AKAP8L: variants seen among roughly 807,000 people sequenced by gnomAD.
AKAP8L encodes the protein A-kinase anchoring protein 8 like, also known as A-kinase anchor protein 8-like.
AKAP8L carries 34 observed loss-of-function variants against 77.5 expected under a neutral mutation model. The ratio of observed to expected loss-of-function variants is 0.44; its 90% CI spans 0.33 to 0.58. The LOEUF (loss-of-function observed/expected upper bound fraction) is 0.58. AKAP8L is among the 20% of genes least tolerant of loss of function. The pLI is 0.02. For synonymous variants in AKAP8L, 342 were observed against 340.7 expected (o/e 1.00, Z -0.04); for missense variants, 806 against 887.6 (o/e 0.91, Z 1.17).
chr19:15,387,299 A>G (rs1967559241), intron 12 of AKAP8L, among the ~76,000 whole-genome samples: 1 of 152,198 alleles, frequency 6.6e-6, no homozygotes, highest in Non-Finnish European at 1.5e-5. Flanking sequence ...GCCCACAGTG[A>G]GAGCACGGCC....
intron 12 of AKAP8L, among the ~76,000 whole-genome samples, chr19:15,393,119 C>A (rs958064822): frequency 6.6e-6 from 1 of 151,754 alleles, no homozygotes; most frequent in Non-Finnish European, 1.5e-5. Flanking sequence ...TCAAATGGTG[C>A]CGGAACAACT....
chr19:15,418,840 G>A (rs1968270572), intron 1 of AKAP8L, 71 bp downstream of exon 1: 3 of 1,500,896 alleles, frequency 2.0e-6, no homozygotes, highest in Non-Finnish European at 2.7e-6. Flanking sequence ...GTGCGGGCAA[G>A]CCTGGTGCGG....
At chr19:15,402,732 T>C (rs1447123402) in intron 4 of AKAP8L, among the ~76,000 whole-genome samples, 1 of 152,188 alleles carries the variant, frequency 6.6e-6, no homozygotes, top group Non-Finnish European at 1.5e-5. Context: ...CTCTATCCCA[T>C]GTTAGAGATA....
At chr19:15,387,890 T>G (rs1599591702) in intron 12 of AKAP8L, among the ~76,000 whole-genome samples, 2 of 146,862 alleles carry the variant, frequency 1.4e-5, no homozygotes, top group Admixed American at 7.0e-5. Context: ...ACCTGAGAGG[T>G]GGAGGTTGCA....
intron 1 of AKAP8L, among the ~76,000 whole-genome samples, chr19:15,413,344 C>T (rs1276022713): frequency 6.6e-6 from 1 of 152,136 alleles, no homozygotes; most frequent in African/African-American, 2.4e-5. Context: ...AAGGTGCTTC[C>T]CCAGACCCCA....
At position 15,401,747 on chromosome 19, in the gene AKAP8L, GA is replaced by G; in HGVS notation, c.363-145del. 1.5e-6 allele frequency: 1 copy of G among 681,268 alleles called. No individual in the cohort carries two copies. Among genetic ancestry groups the G allele is most frequent in the Non-Finnish European group, 2.4e-6 (1 of 411,678 alleles). The allele number at this position is 681,268 out of a possible 1,614,324, so 42.2% of individuals were successfully genotyped here. ...TCAATGTTCAGAAATGCCGATTAAA[GA>G]GTTCCAGCCTCTCAGCTGATATAGG... On this transcript the variant is annotated intron_variant, in intron 4 of 13. Coordinates refer to ENST00000397410, the MANE Select transcript of AKAP8L (RefSeq NM_014371.4). The surrounding 1 kb of genome is among the most constrained non-coding windows in gnomAD (Gnocchi z 6.2).
chr19:15,382,629 TGA>T, intron 12 of AKAP8L, among the ~76,000 whole-genome samples: 1 of 152,234 alleles, frequency 6.6e-6, no homozygotes, highest in Non-Finnish European at 1.5e-5. Context: ...ACCCAAAATC[TGA>T]AATGCTTCAA....
Position 15,380,275 on chromosome 19 carries a change from G to A in AKAP8L, c.1788C>T (p.Ala596=). ...GCGGTGGCGGCGACACGGCCCCGGG[G>A]GCTGGCTCTGGGGGCACGGGAGGCT... is the stretch of plus-strand genomic sequence containing the variant. ...PAQPPVPPEP[A]PGAVSPPPPP... Residue 596 remains alanine (A), a synonymous_variant, in exon 14 of 14, where the codon GCC becomes GCT. Coordinates refer to ENST00000397410, the MANE Select transcript of AKAP8L (RefSeq NM_014371.4). 1.3e-6 allele frequency: 2 copies of A among 1,517,212 alleles called. No homozygotes were observed. Among genetic ancestry groups the A allele is most frequent in the Non-Finnish European group, 1.8e-6 (2 of 1,140,624 alleles). The allele number at this position is 1,517,212 out of a possible 1,614,324, so 94.0% of individuals were successfully genotyped here. A position where few individuals can be genotyped will look rare whatever the true frequency, so the allele number is the denominator to read the frequency against.
At chr19:15,390,027 C>T (rs1473318550) in intron 12 of AKAP8L, among the ~76,000 whole-genome samples, 4 of 151,390 alleles carry the variant, frequency 2.6e-5, no homozygotes, top group African/African-American at 9.7e-5. Context: ...TGTAGACAGA[C>T]ACAAATTACT....
intron 2 of AKAP8L, among the ~76,000 whole-genome samples, chr19:15,408,551 G>A (rs1471599183): frequency 8.8e-6 from 1 of 114,140 alleles, no homozygotes; most frequent in African/African-American, 3.4e-5. Context: ...CAACAAGAGC[G>A]AAACTCCATC....
At chr19:15,396,952 C>T (rs1342724448) in intron 12 of AKAP8L, among the ~76,000 whole-genome samples, 198 bp downstream of exon 12, 1 of 152,226 alleles carries the variant, frequency 6.6e-6, no homozygotes, top group East Asian at 1.9e-4. Context: ...ATATCACCTT[C>T]TCCCAGGCAG....
chr19:15,389,224 C>CAA (rs376495541), intron 12 of AKAP8L, among the ~76,000 whole-genome samples: 5 of 44,174 alleles, frequency 1.1e-4, no homozygotes, highest in Non-Finnish European at 1.8e-4. Flanking sequence ...GACTCCATCA[C>CAA]AAAAAAAAAA....
At chr19:15,410,956 G>A (rs4808302) in intron 1 of AKAP8L, among the ~76,000 whole-genome samples, 117,137 of 152,100 alleles carry the variant, frequency 0.77, 45,298 homozygotes, top group East Asian at 0.99. Flanking sequence ...GAGACTATAC[G>A]TTCGTGCCAT....
At chr19:15,409,035 A>G (rs1285058110) in intron 2 of AKAP8L, among the ~76,000 whole-genome samples, 4 of 152,188 alleles carry the variant, frequency 2.6e-5, no homozygotes, top group Non-Finnish European at 5.9e-5. Flanking sequence ...TCACAGACTA[A>G]ATGTAAAACC....
At position 15,399,244 on chromosome 19, in the gene AKAP8L, C is replaced by T. The variant is rs2145129610; in HGVS notation, c.1157+58G>A. 1 of 1,500,380 alleles carries T rather than the reference C, an allele frequency of 6.7e-7. No individual in the cohort carries two copies. The highest frequency in any genetic ancestry group is 2.3e-5 in the East Asian group (1 of 44,214). The allele number at this position is 1,500,380 out of a possible 1,614,324, so 92.9% of individuals were successfully genotyped here. A position where few individuals can be genotyped will look rare whatever the true frequency, so the allele number is the denominator to read the frequency against. On this transcript the variant is annotated intron_variant, in intron 9 of 13. Transcript: ENST00000397410. The surrounding 1 kb of genome is among the most constrained non-coding windows in gnomAD (Gnocchi z 6.1). ...GAGCTGGCAGAGCTATGGCCCTGCT[C>T]TCCTGGCGGCAGCCCCACAGCGAGG...
intron 2 of AKAP8L, among the ~76,000 whole-genome samples, chr19:15,410,134 C>T (rs1282938653): frequency 2.6e-5 from 4 of 152,024 alleles, no homozygotes; most frequent in African/African-American, 9.7e-5. Context: ...GTATAGATGG[C>T]ATTTCACCAT....
intron 12 of AKAP8L, among the ~76,000 whole-genome samples, chr19:15,385,252 C>T (rs60892294): frequency 0.012 from 1,874 of 151,892 alleles, 47 homozygotes; most frequent in East Asian, 0.1. Flanking sequence ...GCTGGGACTA[C>T]AGGCGTGAGC....
Position 15,397,146 on chromosome 19 carries a change from T to A in AKAP8L, c.1536+4A>T. ...GACAGAGGGAGAGCACTGTGGCCAC[T>A]CACCCTGCGGTTCCGGTTGTGATCC... On this transcript the variant is annotated splice_donor_region_variant and intron_variant, in intron 12 of 13. Transcript: ENST00000397410. This position sits in a 1 kb window ranked among gnomAD's most constrained non-coding sequence, Gnocchi z 4.7. The A allele has an allele frequency of 6.2e-7, 1 of 1,613,592 alleles. No individual in the cohort carries two copies. Among genetic ancestry groups the A allele is most frequent in the South Asian group, 1.1e-5 (1 of 91,044 alleles).
At chr19:15,395,817 T>C (rs1044314831) in intron 12 of AKAP8L, among the ~76,000 whole-genome samples, 6 of 141,374 alleles carry the variant, frequency 4.2e-5, no homozygotes, top group Non-Finnish European at 9.2e-5. Flanking sequence ...ACCCCGTCTC[T>C]ACTAAAAATA....
Sources: allele counts gnomAD v4.1 joint callset (sites outside exome capture counted in the v4.1 genomes callset), GRCh38; gene constraint gnomAD v4.1.1; non-coding constraint Gnocchi (gnomAD v3.1); transcripts MANE v1.5; gene names NCBI Gene and HGNC (gene_info 2026-07-23, HGNC 2026-07-21).